Variants in GRAMD1A observed in about 807,000 individuals in gnomAD.
GRAMD1A encodes the protein protein Aster-A.
GRAMD1A carries 50 observed loss-of-function variants against 92.0 expected under a neutral mutation model. That is an observed-to-expected ratio of 0.54 (90% confidence interval 0.43 to 0.69). The LOEUF is 0.69. Among genes scored for constraint, GRAMD1A ranks in the 30% least tolerant of loss-of-function variants. The probability of loss-of-function intolerance (pLI) is 0.00; values close to 1 mark genes in which losing one functional copy is unlikely to be tolerated. For missense variants in GRAMD1A, 819 were observed against 978.9 expected, an observed-to-expected ratio of 0.84 and a Z score of 2.18; for synonymous variants, 405 against 403.6, an observed-to-expected ratio of 1.00 and a Z score of -0.04.
rs746889317 is a variant in GRAMD1A, at chr19:35,013,592, G to T, written c.771G>T (p.Ser257=). ...TCGCCCTGAGCGACATCACCTCCTC[G>T]GGGGCAGCTGACCGCAGCCAGGAGC... ...DVIALSDITS[S]GAADRSQEPS... The change falls in exon 9 of 20, where the codon TCG becomes TCT. Residue 257 remains serine, a synonymous_variant. Coordinates refer to ENST00000317991, the MANE Select transcript of GRAMD1A (RefSeq NM_020895.5). This position sits in a 1 kb window ranked among gnomAD's most constrained non-coding sequence, Gnocchi z 4.9. 1.2e-6 allele frequency: 2 copies of T among 1,613,384 alleles called. No homozygotes were observed. The highest frequency in any genetic ancestry group is 2.2e-5 in the East Asian group (1 of 44,884).
intron 18 of GRAMD1A, 25 bp from the exon 19 acceptor site, chr19:35,023,402 C>T: frequency 6.2e-7 from 1 of 1,607,568 alleles, no homozygotes; most frequent in Non-Finnish European, 8.5e-7. Flanking sequence ...GGCCAAGGCC[C>T]TGCTCAGGCC....
intron 19 of GRAMD1A, among the ~76,000 whole-genome samples, chr19:35,024,403 C>T (rs2016294048): frequency 6.7e-6 from 1 of 148,696 alleles, no homozygotes; most frequent in Non-Finnish European, 1.5e-5. Flanking sequence ...TAGACTCAGG[C>T]CAGCAGTTGC....
In GRAMD1A at chr19:35,015,805, G is replaced by A. The variant is rs925031356; in HGVS notation, c.1070-19G>A. ...AGGAGTGGAGGCAGTCATCATCCTC[G>A]GCTCTCCTCTGTCTCCAGCGGACTT... On this transcript the variant is annotated intron_variant, in intron 10 of 19. Transcript: ENST00000317991. 4.3e-6 allele frequency: 7 copies of A among 1,610,398 alleles called. No individual in the cohort carries two copies. Among genetic ancestry groups the A allele is most frequent in the African/African-American group, 2.7e-5 (2 of 74,930 alleles).
At chr19:34,995,147 A>G (rs1243091749) in intron 1 of GRAMD1A, among the ~76,000 whole-genome samples, 2 of 152,200 alleles carry the variant, frequency 1.3e-5, no homozygotes, top group African/African-American at 4.8e-5. Context: ...GGGAAGGGGA[A>G]TCCCGATTCG....
At position 35,000,494 on chromosome 19, in the gene GRAMD1A, C is replaced by T. The variant is rs1245039990; in HGVS notation, c.8+8C>T. The T allele has an allele frequency of 6.3e-6, 8 of 1,279,204 alleles. No homozygotes were observed. The East Asian group carries it at 2.6e-4, about 42-fold the overall frequency. 79.2% of individuals were successfully genotyped at this position (1,279,204 alleles called of 1,614,324 possible). ...CGCCGCATCCATGTTCGAGTAAGGA[C>T]CGGGCGACTAGAGCTCAGGGACCGG... On this transcript the variant is annotated splice_region_variant and intron_variant, in intron 1 of 19. Transcript: ENST00000317991. This position sits in a 1 kb window ranked among gnomAD's most constrained non-coding sequence, Gnocchi z 4.9.
chr19:35,011,570 G>A lies in GRAMD1A; in HGVS notation c.606+16G>A, dbSNP rs1182164660. On this transcript the variant is annotated intron_variant, in intron 7 of 19. Transcript: ENST00000317991. ...GCTTGAAAAGGTGGGCCTGGGTGAG[G>A]CCCGGGTGGGGATGGGGGGTTTCCA... 2.8e-5 allele frequency: 44 copies of A among 1,587,210 alleles called. No individual in the cohort carries two copies. The highest frequency in any genetic ancestry group is 3.8e-5 in the Non-Finnish European group (44 of 1,159,912).
intron 1 of GRAMD1A, among the ~76,000 whole-genome samples, chr19:35,006,995 C>T (rs1389655701): frequency 1.3e-5 from 2 of 152,122 alleles, no homozygotes; most frequent in Non-Finnish European, 2.9e-5. Flanking sequence ...GATTGGAGAG[C>T]TTAGGGACAA....
At chr19:34,997,773 A>C (rs2014101738), upstream of GRAMD1A, among the ~76,000 whole-genome samples, 1 of 152,110 alleles carries the variant, frequency 6.6e-6, no homozygotes, top group Non-Finnish European at 1.5e-5. Flanking sequence ...AAAGGACAGA[A>C]AAGTACACAG....
upstream of GRAMD1A, chr19:35,000,172 C>A: frequency 2.0e-6 from 2 of 1,009,356 alleles, no homozygotes; most frequent in Non-Finnish European, 2.4e-6. The surrounding 1 kb of genome is among the most constrained non-coding windows in gnomAD (Gnocchi z 4.9). Context: ...CTTCTCTGTC[C>A]AGTCCCTCTC....
upstream of GRAMD1A, among the ~76,000 whole-genome samples, chr19:34,995,688 A>T (rs1314138499): frequency 6.8e-6 from 1 of 147,228 alleles, no homozygotes; most frequent in Non-Finnish European, 1.5e-5. Flanking sequence ...TTCTCATGTG[A>T]TCCTACCGCC....
At chr19:35,014,135 A>G (rs2151720245) in intron 9 of GRAMD1A, 54 bp from the exon 10 acceptor site, 1 of 1,506,084 alleles carries the variant, frequency 6.6e-7, no homozygotes, top group Non-Finnish European at 9.2e-7. Context: ...TGGACTTGGG[A>G]GCCCTGGGGC....
chr19:35,013,346 C>T lies in GRAMD1A; in HGVS notation c.697C>T (p.Pro233Ser), dbSNP rs1013443874. ...LTSEDEDYVSPLQLNGLGTPK... is the reference protein window; with the variant it reads ...LTSEDEDYVSSLQLNGLGTPK... ...CAGTGAGGATGAGGACTATGTCTCC[C>T]CCTTGCAGCTGAACGGTCTGGGGTG... Residue 233 changes from proline to serine, a missense_variant, in exon 8 of 20, where the codon CCC becomes TCC. This residue lies in a region of GRAMD1A where 577 missense variants were observed against 674.6 expected (regional missense o/e 0.86). Coordinates refer to ENST00000317991, the MANE Select transcript of GRAMD1A (RefSeq NM_020895.5). This position sits in a 1 kb window ranked among gnomAD's most constrained non-coding sequence, Gnocchi z 4.9. The T allele has an allele frequency of 9.6e-6, 15 of 1,554,704 alleles. No homozygotes were observed. The African/African-American group carries it at 1.5e-4, about 16-fold the overall frequency.
rs769034054 is a variant in GRAMD1A at position 35,026,149 on chromosome 19, G to A, written c.*8G>A. ...GATGACAGCTTTTCCTGAGGACCCC[G>A]GCCACGCAGCTGTTCCCCCACATGG... On this transcript the variant is annotated 3_prime_UTR_variant, in exon 20 of 20. Transcript: ENST00000317991. The A allele has an allele frequency of 5.6e-5, 80 of 1,438,958 alleles. No homozygotes were observed. The highest frequency in any genetic ancestry group is 1.7e-4 in the Middle Eastern group (1 of 5,786). The allele number at this position is 1,438,958 out of a possible 1,614,324, so 89.1% of individuals were successfully genotyped here. A position where few individuals can be genotyped will look rare whatever the true frequency, so the allele number is the denominator to read the frequency against.
intron 11 of GRAMD1A, among the ~76,000 whole-genome samples, chr19:35,017,871 A>G (rs2151727038): frequency 6.6e-6 from 1 of 152,238 alleles, no homozygotes; most frequent in South Asian, 2.1e-4. Context: ...GTTGTTCTCA[A>G]GAGATTCTGG....
upstream of GRAMD1A, chr19:35,000,242 T>G: frequency 1.3e-5 from 13 of 1,024,322 alleles, no homozygotes; most frequent in Non-Finnish European, 1.5e-5. This position sits in a 1 kb window ranked among gnomAD's most constrained non-coding sequence, Gnocchi z 4.9. Flanking sequence ...CCTCCCGGGC[T>G]GGGGGCGGCG....
upstream of GRAMD1A, among the ~76,000 whole-genome samples, chr19:34,999,117 G>C (rs1161374290): frequency 6.6e-6 from 1 of 152,134 alleles, no homozygotes; most frequent in African/African-American, 2.4e-5. Context: ...GATGGGAGCA[G>C]GGAGATCAGG....
chr19:35,025,339 G>A lies in GRAMD1A; in HGVS notation c.2083-710G>A, dbSNP rs1450236623. ...CAGTGGTGCGACCTCTGCCTTCCAGGTTAAAGCGATTCTCGTGCCTCAGCT... is the reference window on the plus strand; with the variant it reads ...CAGTGGTGCGACCTCTGCCTTCCAGATTAAAGCGATTCTCGTGCCTCAGCT... On this transcript the variant is annotated intron_variant, in intron 19 of 19. Coordinates refer to ENST00000317991, the MANE Select transcript of GRAMD1A (RefSeq NM_020895.5). 4 of 152,174 alleles carry A rather than the reference G, an allele frequency of 2.6e-5. No homozygotes were observed. The East Asian group carries it at 7.8e-4, about 29-fold the overall frequency. The allele number at this position is 152,174 out of a possible 1,614,324, so 9.4% of individuals were successfully genotyped here.
rs761791093 is a variant in GRAMD1A, at chr19:35,023,252, G to A, written c.1870G>A (p.Ala624Thr). The A allele has an allele frequency of 3.7e-6, 6 of 1,613,806 alleles. No homozygotes were observed. In the South Asian group the frequency reaches 5.5e-5, roughly 15 times the overall value. Residue 624 changes from alanine to threonine, a missense_variant, in exon 18 of 20, where the codon GCC (alanine) becomes ACC (threonine). Ala to Thr is a moderately conservative substitution (Grantham distance 58). Around this residue, in one of 3 missense-constraint regions of GRAMD1A, gnomAD observed 577 missense variants for 674.6 expected, o/e 0.86. Coordinates refer to ENST00000317991, the MANE Select transcript of GRAMD1A (RefSeq NM_020895.5). The stretch of plus-strand genomic sequence containing the variant: ...TGTCCCCAGCCTTATCATCCTCATC[G>A]CCCTCAACGTCCTGCTCTTCTACCG... ...VICVSLIILI[A>T]LNVLLFYRLW...
chr19:35,011,456 T>A lies in GRAMD1A; in HGVS notation c.526-18T>A. On this transcript the variant is annotated intron_variant, in intron 6 of 19. Transcript: ENST00000317991. Reference sequence around the variant, plus strand: ...TCCCCAACCTGCTCACACCTCTCTCTCTCTCTCTCCCTGACAGCATTTCTT... The same window carrying A: ...TCCCCAACCTGCTCACACCTCTCTCACTCTCTCTCCCTGACAGCATTTCTT... 1.3e-6 allele frequency: 2 copies of A among 1,596,226 alleles called. No homozygotes were observed. Among genetic ancestry groups the A allele is most frequent in the Non-Finnish European group, 1.7e-6 (2 of 1,168,452 alleles).
Sources: gnomAD v4.1 joint callset for allele counts (sites outside exome capture counted in the v4.1 genomes callset) on GRCh38, gnomAD v4.1.1 for gene constraint, gnomAD v4.1.1 regional missense constraint, Gnocchi (gnomAD v3.1) non-coding constraint, MANE v1.5 for transcripts, NCBI Gene and HGNC (gene_info 2026-07-23, HGNC 2026-07-21) for gene names.